MECOM: variants seen among roughly 807,000 people sequenced by gnomAD.
MECOM encodes MDS1 and EVI1 complex locus.
Under a neutral mutation model 116.3 loss-of-function variants are expected in MECOM, and 13 were observed. The ratio of observed to expected loss-of-function variants is 0.11; its 90% CI spans 0.07 to 0.18. MECOM has a LOEUF of 0.18. Ranked by LOEUF, MECOM falls within the 10% of genes least tolerant of loss-of-function variation. The pLI is 1.00. For missense variants in MECOM, 1,299 were observed against 1,509.0 expected (o/e 0.86, Z 2.31); for synonymous variants, 528 against 535.2 (o/e 0.99, Z 0.19).
At chr3:169,360,314 T>TA (rs1560173947) in intron 2 of MECOM, among the ~76,000 whole-genome samples, 3 of 72,044 alleles carry the variant, frequency 4.2e-5, no homozygotes, top group East Asian at 4.2e-4. Context: ...AAAAAAAAGT[T>TA]ACACCAAAAA....
chr3:169,209,733 G>C (rs895647689), intron 2 of MECOM, among the ~76,000 whole-genome samples: 1 of 152,126 alleles, frequency 6.6e-6, no homozygotes, highest in Non-Finnish European at 1.5e-5. Context: ...TGGGGCAATA[G>C]GAATGCTTTT....
intron 12 of MECOM, 146 bp from the exon 13 acceptor site, chr3:169,095,391 G>T: frequency 1.7e-6 from 1 of 579,962 alleles, no homozygotes; most frequent in Non-Finnish European, 2.8e-6. Context: ...ACACAATTAA[G>T]ATTTCAATTC....
chr3:169,659,063 C>T (rs1429375492), intron 1 of MECOM, among the ~76,000 whole-genome samples: 1 of 135,402 alleles, frequency 7.4e-6, no homozygotes, highest in Non-Finnish European at 1.5e-5. Flanking sequence ...GACTCCTCAC[C>T]TTCAACTCCA....
At chr3:169,147,539 G>A (rs965763794) in intron 2 of MECOM, 2 of 985,330 alleles carry the variant, frequency 2.0e-6, no homozygotes, top group Non-Finnish European at 2.4e-6. Context: ...GGCGGGAGAG[G>A]TCACAAAAAG....
intron 2 of MECOM, among the ~76,000 whole-genome samples, chr3:169,183,835 C>T (rs7372001): frequency 0.73 from 78,688 of 107,696 alleles, 25,676 homozygotes; most frequent in Admixed American, 0.78. Flanking sequence ...TATATATATA[C>T]ACACATACAT....
chr3:169,413,478 G>GTTTTTTTT (rs1192191684), intron 1 of MECOM, among the ~76,000 whole-genome samples: 1 of 97,064 alleles, frequency 1.0e-5, no homozygotes, highest in Admixed American at 1.0e-4. Flanking sequence ...TTTTTTTTTT[G>GTTTTTTTT]TTTTTTTTTT....
chr3:169,485,825 A>G (rs1430070905), intron 1 of MECOM, among the ~76,000 whole-genome samples: 1 of 140,180 alleles, frequency 7.1e-6, no homozygotes, highest in Non-Finnish European at 1.5e-5. Context: ...CTAAATATAT[A>G]TATGTATATA....
intron 1 of MECOM, among the ~76,000 whole-genome samples, chr3:169,553,272 T>C (rs1761621949): frequency 6.6e-6 from 1 of 151,778 alleles, no homozygotes; most frequent in South Asian, 2.1e-4. Context: ...AAAAGGGGGG[T>C]TCTGTTCATT....
chr3:169,372,435 A>G (rs1476953542), intron 2 of MECOM, among the ~76,000 whole-genome samples: 1 of 151,994 alleles, frequency 6.6e-6, no homozygotes, highest in Non-Finnish European at 1.5e-5. Context: ...AGCCACCTAA[A>G]TTTTTCTTTC....
chr3:169,195,090 G>T (rs969887657), intron 2 of MECOM, among the ~76,000 whole-genome samples: 1 of 152,058 alleles, frequency 6.6e-6, no homozygotes, highest in African/African-American at 2.4e-5. Flanking sequence ...TGCTCTATTT[G>T]CATGAACTTT....
intron 2 of MECOM, among the ~76,000 whole-genome samples, chr3:169,379,606 A>G (rs1732070149): frequency 6.6e-6 from 1 of 152,116 alleles, no homozygotes; most frequent in African/African-American, 2.4e-5. Flanking sequence ...CCACCAATCC[A>G]TAGGTATTAT....
chr3:169,658,995 A>G (rs1775882216), intron 1 of MECOM, among the ~76,000 whole-genome samples: 1 of 151,522 alleles, frequency 6.6e-6, no homozygotes, highest in African/African-American at 2.4e-5. Context: ...CCTGGCCCCA[A>G]CTTACAAAAA....
At chr3:169,491,551 T>C (rs751361815) in intron 1 of MECOM, among the ~76,000 whole-genome samples, 1 of 152,206 alleles carries the variant, frequency 6.6e-6, no homozygotes, top group Non-Finnish European at 1.5e-5. Flanking sequence ...GACTTCAATT[T>C]ATCTTCATGA....
chr3:169,566,633 A>G (rs550689776), intron 1 of MECOM, among the ~76,000 whole-genome samples: 1 of 152,270 alleles, frequency 6.6e-6, no homozygotes, highest in South Asian at 2.1e-4. Flanking sequence ...CCAGTGAAAG[A>G]GCCAGCTGCT....
intron 2 of MECOM, among the ~76,000 whole-genome samples, chr3:169,329,990 A>C (rs1722470116): frequency 1.3e-5 from 2 of 152,192 alleles, no homozygotes; most frequent in Non-Finnish European, 2.9e-5. Context: ...CTATTTCAAG[A>C]GTCAAGAAGA....
At chr3:169,554,340 G>A (rs114685666) in intron 1 of MECOM, among the ~76,000 whole-genome samples, 6 of 152,256 alleles carry the variant, frequency 3.9e-5, no homozygotes, top group South Asian at 2.1e-4. Context: ...ACAGCAGTTC[G>A]CCTACATTAA....
chr3:169,198,966 AG>A (rs1748800625), intron 2 of MECOM, among the ~76,000 whole-genome samples: 1 of 152,070 alleles, frequency 6.6e-6, no homozygotes, highest in South Asian at 2.1e-4. Context: ...TAGATGAAGA[AG>A]ATGGAATAAG....
chr3:169,614,163 A>C (rs1769685470), intron 1 of MECOM, among the ~76,000 whole-genome samples: 1 of 145,960 alleles, frequency 6.9e-6, no homozygotes, highest in African/African-American at 2.6e-5. Context: ...TCTTTCCCAC[A>C]CACACAAACT....
intron 2 of MECOM, among the ~76,000 whole-genome samples, chr3:169,282,936 C>T (rs1712422387): frequency 6.6e-6 from 1 of 151,950 alleles, no homozygotes; most frequent in African/African-American, 2.4e-5. Context: ...TATGGCCACC[C>T]ACTTGAGAGA....
Sources: gnomAD v4.1 joint callset for allele counts (sites outside exome capture counted in the v4.1 genomes callset) on GRCh38, gnomAD v4.1.1 for gene constraint, MANE v1.5 for transcripts, NCBI Gene and HGNC (gene_info 2026-07-23, HGNC 2026-07-21) for gene names.